The following SLIT1 variants were observed in gnomAD, a reference collection of about 807,000 sequenced individuals.
SLIT1 encodes slit guidance ligand 1, also known as slit homolog 1 protein.
A neutral mutation model predicts 186.1 loss-of-function variants in SLIT1; 66 were observed. That is an observed-to-expected ratio of 0.35 (90% CI 0.29 to 0.44). The LOEUF is 0.44. Among genes scored for constraint, SLIT1 ranks in the 20% least tolerant of loss-of-function variants. The pLI is 1.00. For missense variants in SLIT1, 1,638 were observed against 2,037.4 expected, an observed-to-expected ratio of 0.80 and a Z score of 3.77; for synonymous variants, 761 against 833.8, an observed-to-expected ratio of 0.91 and a Z score of 1.50.
At chr10:97,151,107 A>G (rs899511728) in intron 4 of SLIT1, among the ~76,000 whole-genome samples, 1 of 152,154 alleles carries the variant, frequency 6.6e-6, no homozygotes, top group African/African-American at 2.4e-5. Flanking sequence ...AGCACTGATG[A>G]CAGACCTGTC....
At chr10:97,040,236 C>T in intron 20 of SLIT1, 116 bp from the exon 21 acceptor site, 1 of 1,122,760 alleles carries the variant, frequency 8.9e-7, no homozygotes, top group Non-Finnish European at 1.2e-6. Flanking sequence ...CTGACAGTAC[C>T]TTGGCCATCA....
At chr10:97,036,769 A>G (rs993346698) in intron 22 of SLIT1, among the ~76,000 whole-genome samples, 3 of 152,222 alleles carry the variant, frequency 2.0e-5, no homozygotes, top group Non-Finnish European at 4.4e-5. Context: ...GAGCAGATAA[A>G]GACAATTGAA....
At chr10:97,053,875 C>T (rs1249817194) in intron 13 of SLIT1, among the ~76,000 whole-genome samples, 1 of 152,118 alleles carries the variant, frequency 6.6e-6, no homozygotes, top group Non-Finnish European at 1.5e-5. Context: ...TTTGGATGTT[C>T]GTCCCCACCA....
intron 10 of SLIT1, 86 bp from the exon 11 acceptor site, chr10:97,059,617 C>A: frequency 1.0e-6 from 1 of 984,032 alleles, no homozygotes; most frequent in South Asian, 1.3e-5. Context: ...TCCTAGATGT[C>A]ACAGGAGCAG....
intron 4 of SLIT1, among the ~76,000 whole-genome samples, chr10:97,075,898 A>G (rs536410997): frequency 5.9e-5 from 9 of 152,322 alleles, no homozygotes; most frequent in African/African-American, 2.2e-4. Flanking sequence ...TGTACTGGTT[A>G]GCATTTCAAA....
chr10:97,180,872 A>G (rs1477864278), intron 1 of SLIT1, among the ~76,000 whole-genome samples: 1 of 152,242 alleles, frequency 6.6e-6, no homozygotes, highest in Non-Finnish European at 1.5e-5. Context: ...GAGCTTCCCA[A>G]ATAATAACAA....
chr10:97,110,360 A>G (rs1178957385), intron 4 of SLIT1, among the ~76,000 whole-genome samples: 1 of 152,228 alleles, frequency 6.6e-6, no homozygotes, highest in African/African-American at 2.4e-5. Flanking sequence ...ACTGTGCACC[A>G]GGAAGCACCT....
At position 97,002,900 on chromosome 10, in the gene SLIT1, T is replaced by C. The variant is rs1848324668; in HGVS notation, c.3958A>G (p.Asn1320Asp). Reference protein sequence around the residue: ...FHGCIRNLYINNELQDFTKTQ... With the variant: ...FHGCIRNLYIDNELQDFTKTQ... ...TTGGTGAAGTCCTGCAGCTCGTTGTTGATGTACAGGTTTCGGATGCAACCG... is the reference window on the plus strand; with the variant it reads ...TTGGTGAAGTCCTGCAGCTCGTTGTCGATGTACAGGTTTCGGATGCAACCG... The change falls in exon 35 of 37, where the codon AAC (asparagine) becomes GAC (aspartate). Residue 1320 changes from asparagine (N) to aspartate (D), a missense_variant. Around this residue, in one of 3 missense-constraint regions of SLIT1, gnomAD observed 173 missense variants for 290.9 expected, o/e 0.59. Transcript: ENST00000266058. 1.2e-6 allele frequency: 2 copies of C among 1,614,084 alleles called. No homozygotes were observed. The highest frequency in any genetic ancestry group is 8.5e-7 in the Non-Finnish European group (1 of 1,180,034).
At chr10:97,161,083 G>T (rs17502307) in intron 3 of SLIT1, among the ~76,000 whole-genome samples, 1 of 152,014 alleles carries the variant, frequency 6.6e-6, no homozygotes, top group African/African-American at 2.4e-5. Context: ...CAACTGATGC[G>T]CCACTGGTCT....
chr10:97,096,568 C>CA (rs1332341997), intron 4 of SLIT1, among the ~76,000 whole-genome samples: 1 of 152,170 alleles, frequency 6.6e-6, no homozygotes, highest in African/African-American at 2.4e-5. Flanking sequence ...AAAAAGGCTT[C>CA]ACGGAGCCCG....
intron 4 of SLIT1, among the ~76,000 whole-genome samples, chr10:97,127,860 A>C (rs1437270539): frequency 6.6e-6 from 1 of 152,176 alleles, no homozygotes; most frequent in Non-Finnish European, 1.5e-5. Context: ...CAAAGACAGG[A>C]TGTGAATTAG....
At chr10:97,180,602 G>C (rs1400262567) in intron 1 of SLIT1, among the ~76,000 whole-genome samples, 2 of 152,256 alleles carry the variant, frequency 1.3e-5, no homozygotes. Flanking sequence ...GGCCCCGCCA[G>C]CTGCTGAGTG....
At chr10:97,036,844 T>C (rs1017512869) in intron 22 of SLIT1, among the ~76,000 whole-genome samples, 36 of 152,198 alleles carry the variant, frequency 2.4e-4, no homozygotes, top group African/African-American at 8.4e-4. Context: ...GCTTATTTTG[T>C]ATATTTTCAT....
chr10:97,025,449 G>A (rs1404879633), intron 25 of SLIT1, among the ~76,000 whole-genome samples: 1 of 152,174 alleles, frequency 6.6e-6, no homozygotes, highest in Admixed American at 6.5e-5. Context: ...AACATTACAA[G>A]CTTTCATTTA....
At chr10:97,045,715 G>T (rs914543980) in intron 18 of SLIT1, among the ~76,000 whole-genome samples, 3 of 152,200 alleles carry the variant, frequency 2.0e-5, no homozygotes, top group African/African-American at 7.2e-5. Flanking sequence ...GGTGAAAACA[G>T]CAAGCTGCAA....
intron 1 of SLIT1, among the ~76,000 whole-genome samples, chr10:97,166,644 G>A (rs199990781): frequency 0.081 from 3,195 of 39,378 alleles, 69 homozygotes; most frequent in Non-Finnish European, 0.11. Flanking sequence ...AGAAAAGAAA[G>A]GAAAGGAAAA....
intron 4 of SLIT1, among the ~76,000 whole-genome samples, chr10:97,150,737 G>A (rs978096982): frequency 1.3e-5 from 2 of 152,148 alleles, no homozygotes; most frequent in African/African-American, 2.4e-5. Context: ...AGAGCTGCAC[G>A]GCAGCAGAGA....
At chr10:97,064,381 G>T in intron 6 of SLIT1, 142 bp from the exon 7 acceptor site, 1 of 714,888 alleles carries the variant, frequency 1.4e-6, no homozygotes, top group South Asian at 1.6e-5. Flanking sequence ...AAGCCGAAGA[G>T]CATGAGGCAT....
In SLIT1 at chr10:97,039,955, C is replaced by T. The variant is rs376748897; in HGVS notation, c.2297+33G>A. ...CCCCACTGTCCCCGTCCTGTGGACC[C>T]ACGTGAAGGGGGCAAGGCCTTGAGC... On this transcript the variant is annotated intron_variant, in intron 21 of 36. Transcript: ENST00000266058. 6.1e-5 allele frequency: 99 copies of T among 1,610,574 alleles called. 1 individual carries two copies. The South Asian group carries it at 9.6e-4, about 16-fold the overall frequency.
Sources: gnomAD v4.1 joint callset for allele counts (sites outside exome capture counted in the v4.1 genomes callset) on GRCh38, gnomAD v4.1.1 for gene constraint, gnomAD v4.1.1 regional missense constraint, MANE v1.5 for transcripts, NCBI Gene and HGNC (gene_info 2026-07-23, HGNC 2026-07-21) for gene names.